HOMER1: variants seen among roughly 807,000 people sequenced by gnomAD.
HOMER1 encodes homer protein homolog 1.
HOMER1 carries 3 observed loss-of-function variants against 48.9 expected under a neutral mutation model. The ratio of observed to expected loss-of-function variants is 0.06; its 90% CI spans 0.03 to 0.16. The LOEUF is 0.16. HOMER1 is among the 10% of genes least tolerant of loss of function. HOMER1 has a pLI of 1.00. For missense variants in HOMER1, 247 were observed against 411.4 expected (o/e 0.60, Z 3.46); for synonymous variants, 134 against 146.4 (o/e 0.92, Z 0.61).
rs1007360547 is a variant in HOMER1, at chr5:79,372,704, A to C, written c.*3305T>G. 3 of 152,222 alleles carry C rather than the reference A, an allele frequency of 2.0e-5. No individual in the cohort carries two copies. The highest frequency in any genetic ancestry group is 7.2e-5 in the African/African-American group (3 of 41,464). 9.4% of individuals were successfully genotyped at this position (152,222 alleles called of 1,614,324 possible). A position where few individuals can be genotyped will look rare whatever the true frequency, so the allele number is the denominator to read the frequency against. On this transcript the variant is annotated 3_prime_UTR_variant, in exon 9 of 9. Coordinates refer to ENST00000334082, the MANE Select transcript of HOMER1 (RefSeq NM_004272.5). ...ACAAACTTTCCCCGACCTGCCTCCC[A>C]TTCCAGTACTGACAAAATCAGGACC...
Position 79,375,895 on chromosome 5 carries a change from T to A in HOMER1, c.*114A>T. The A allele has an allele frequency of 1.9e-6, 1 of 533,698 alleles. No homozygotes were observed. Among genetic ancestry groups the A allele is most frequent in the South Asian group, 5.6e-5 (1 of 17,978 alleles). 33.1% of individuals were successfully genotyped at this position (533,698 alleles called of 1,614,324 possible). ...TCAAAAGATCCTCCTCCTGGAGGAG[T>A]GATATTCAATTTTTTTTTTTTTTTT... On this transcript the variant is annotated 3_prime_UTR_variant, in exon 9 of 9. Transcript: ENST00000334082.
chr5:79,415,666 A>C (rs1046563961), intron 5 of HOMER1, among the ~76,000 whole-genome samples: 1 of 152,252 alleles, frequency 6.6e-6, no homozygotes, highest in Non-Finnish European at 1.5e-5. Context: ...CTGGTAAAGA[A>C]AGTGAAACAC....
chr5:79,480,572 G>C (rs926741952), intron 1 of HOMER1, among the ~76,000 whole-genome samples: 3 of 152,188 alleles, frequency 2.0e-5, no homozygotes, highest in African/African-American at 7.2e-5. Context: ...TTAGTGTCAT[G>C]CTGGCAAAAT....
intron 1 of HOMER1, among the ~76,000 whole-genome samples, chr5:79,461,331 C>A (rs547004214): frequency 2.6e-4 from 40 of 152,264 alleles, no homozygotes; most frequent in African/African-American, 9.4e-4. Context: ...AAGTTAATAT[C>A]TTTTCATAAA....
intron 1 of HOMER1, among the ~76,000 whole-genome samples, chr5:79,457,716 T>C (rs4637531): frequency 0.62 from 93,762 of 152,042 alleles, 31,508 homozygotes; most frequent in East Asian, 0.99. Flanking sequence ...GATTAGTTGA[T>C]GAAAATGTCG....
intron 8 of HOMER1, among the ~76,000 whole-genome samples, chr5:79,382,910 T>A (rs1453414220): frequency 6.6e-6 from 1 of 152,188 alleles, no homozygotes; most frequent in Non-Finnish European, 1.5e-5. Flanking sequence ...TGAAAATGGA[T>A]TACATTCTCC....
At chr5:79,405,197 G>A (rs1381148286) in intron 5 of HOMER1, among the ~76,000 whole-genome samples, 1 of 152,102 alleles carries the variant, frequency 6.6e-6, no homozygotes, top group East Asian at 1.9e-4. Context: ...CCTTACAAGA[G>A]GAGGGGATTA....
chr5:79,392,223 A>C (rs939735749), intron 8 of HOMER1, among the ~76,000 whole-genome samples: 1 of 152,178 alleles, frequency 6.6e-6, no homozygotes, highest in Non-Finnish European at 1.5e-5. Context: ...AAAAACATTA[A>C]TTATCTGACA....
chr5:79,457,966 T>A (rs1449489840), intron 1 of HOMER1, among the ~76,000 whole-genome samples: 1 of 152,174 alleles, frequency 6.6e-6, no homozygotes, highest in Admixed American at 6.5e-5. Flanking sequence ...AAACCCAGAA[T>A]AATCTGGGAA....
rs1561341474 is a variant in HOMER1, at chr5:79,380,989, C to T, written c.877-4792G>A. 3.3e-5 allele frequency among the ~76,000 whole-genome samples: 5 copies of T among 152,270 alleles called. No individual in the cohort carries two copies. The South Asian group carries it at 1.0e-3, about 32-fold the overall frequency. On this transcript the variant is annotated intron_variant, in intron 8 of 8. Coordinates refer to ENST00000334082, the MANE Select transcript of HOMER1 (RefSeq NM_004272.5). ...CCAGTTGCCCAGGGGTCGGAGAACC[C>T]ACCCACCCTTGCACTGCTGCCACTA... is the stretch of plus-strand genomic sequence containing the variant.
chr5:79,409,415 G>C (rs1464748743), intron 5 of HOMER1, among the ~76,000 whole-genome samples: 1 of 138,316 alleles, frequency 7.2e-6, no homozygotes, highest in Non-Finnish European at 1.5e-5. Flanking sequence ...CTCGGCGACA[G>C]GGCAAGACGT....
At chr5:79,473,054 T>C (rs1431210436) in intron 1 of HOMER1, among the ~76,000 whole-genome samples, 2 of 152,170 alleles carry the variant, frequency 1.3e-5, no homozygotes, top group East Asian at 1.9e-4. Context: ...AGGGATCCCA[T>C]AAATATCAAC....
chr5:79,382,357 CATTA>C (rs1308968524), intron 8 of HOMER1, among the ~76,000 whole-genome samples: 2 of 152,130 alleles, frequency 1.3e-5, no homozygotes, highest in Non-Finnish European at 2.9e-5. Flanking sequence ...CTCCATGGCA[CATTA>C]TAGTCAAATT....
At chr5:79,379,241 AT>A (rs575992423) in intron 8 of HOMER1, among the ~76,000 whole-genome samples, 2 of 65,044 alleles carry the variant, frequency 3.1e-5, no homozygotes, top group African/African-American at 1.3e-4. Context: ...TATATTATAT[AT>A]TATATATATC....
At position 79,378,527 on chromosome 5, in the gene HOMER1, T is replaced by C. The variant is rs371951599; in HGVS notation, c.877-2330A>G. 4.4e-4 allele frequency among the ~76,000 whole-genome samples: 67 copies of C among 152,280 alleles called. No homozygotes were observed. The East Asian group carries it at 8.5e-3, about 19-fold the overall frequency. ...GAATCTCAAACTAATAAAATATTTA[T>C]AAATTCAGAAGCCAAACACATGGAG... On this transcript the variant is annotated intron_variant, in intron 8 of 8. Coordinates refer to ENST00000334082, the MANE Select transcript of HOMER1 (RefSeq NM_004272.5).
chr5:79,500,916 C>T (rs1752558377), intron 1 of HOMER1, among the ~76,000 whole-genome samples: 2 of 127,878 alleles, frequency 1.6e-5, no homozygotes, highest in African/African-American at 6.2e-5. Flanking sequence ...TGAGCCACTG[C>T]ACCCAGCCAT....
chr5:79,440,890 C>G (rs1056991883), intron 4 of HOMER1, among the ~76,000 whole-genome samples: 1 of 152,180 alleles, frequency 6.6e-6, no homozygotes, highest in African/African-American at 2.4e-5. Flanking sequence ...CCGGCCGGGA[C>G]GTGGTGCCTC....
intron 8 of HOMER1, among the ~76,000 whole-genome samples, chr5:79,376,873 A>G (rs1031361637): frequency 6.6e-6 from 1 of 152,264 alleles, no homozygotes; most frequent in Non-Finnish European, 1.5e-5. Flanking sequence ...TGTTCATGAC[A>G]ACAAAAAAAA....
At chr5:79,471,345 A>C (rs2112325323) in intron 1 of HOMER1, among the ~76,000 whole-genome samples, 1 of 152,102 alleles carries the variant, frequency 6.6e-6, no homozygotes, top group African/African-American at 2.4e-5. Context: ...CAGGAGTTCA[A>C]GACAGCCTGA....
Sources: gnomAD v4.1 joint callset for allele counts (sites outside exome capture counted in the v4.1 genomes callset) on GRCh38, gnomAD v4.1.1 for gene constraint, MANE v1.5 for transcripts, NCBI Gene and HGNC (gene_info 2026-07-23, HGNC 2026-07-21) for gene names.